PAGE2B: variants seen among roughly 807,000 people sequenced by gnomAD.
PAGE2B encodes PAGE family member 2B.
PAGE2B carries 5 observed loss-of-function variants against 7.6 expected under a neutral mutation model. The ratio of observed to expected loss-of-function variants is 0.66; its 90% confidence interval spans 0.34 to 1.38. The LOEUF is 1.38. Among genes scored for constraint, PAGE2B ranks in the 40% most tolerant of loss-of-function variants. The pLI is 0.04. For missense variants in PAGE2B, 70 were observed against 78.4 expected (o/e 0.89, Z 0.41); for synonymous variants, 29 against 26.7 (o/e 1.09, Z -0.27).
At chrX:55,074,941 G>A (rs1936487197), upstream of PAGE2B, 1 of 113,196 alleles carries the variant, frequency 8.8e-6, no homozygotes. Flanking sequence ...CAGTGTGCAT[G>A]CTGCACAGAC....
At chrX:55,035,184 T>C in the PAGE2B span, among the ~76,000 whole-genome samples, 9 of 111,620 alleles carry the variant, frequency 8.1e-5, no homozygotes, top group Non-Finnish European at 1.7e-4. Context: ...TCCAATCAAG[T>C]TGACACTCGA....
At chrX:55,074,471 T>A (rs1936480958), upstream of PAGE2B, among the ~76,000 whole-genome samples, 1 of 111,802 alleles carries the variant, frequency 8.9e-6, no homozygotes, top group Non-Finnish European at 1.9e-5. Context: ...TGAGTGGGGA[T>A]GTAGGTGATG....
At chrX:55,060,432 T>C in the PAGE2B span, among the ~76,000 whole-genome samples, 1 of 111,523 alleles carries the variant, frequency 9.0e-6, no homozygotes, top group Non-Finnish European at 1.9e-5. Flanking sequence ...TTTGGAAAAA[T>C]ATCTATTCAG....
the PAGE2B span, among the ~76,000 whole-genome samples, chrX:55,050,155 G>T: frequency 8.9e-6 from 1 of 112,540 alleles, no homozygotes; most frequent in Non-Finnish European, 1.9e-5. Flanking sequence ...TAGTTTGATT[G>T]CACTGTGGTC....
At chrX:55,049,550 G>C in the PAGE2B span, among the ~76,000 whole-genome samples, 1 of 111,474 alleles carries the variant, frequency 9.0e-6, no homozygotes, top group Non-Finnish European at 1.9e-5. Flanking sequence ...TGTATGTGTT[G>C]AGGAATTTAT....
upstream of PAGE2B, among the ~76,000 whole-genome samples, chrX:55,071,560 G>A (rs746616461): frequency 4.1e-4 from 46 of 111,357 alleles, no homozygotes; most frequent in Admixed American, 9.6e-4. Flanking sequence ...TATCTTTGTG[G>A]TGTCCTCTGT....
the PAGE2B span, among the ~76,000 whole-genome samples, chrX:55,034,607 T>C: frequency 9.1e-6 from 1 of 109,514 alleles, no homozygotes; most frequent in Non-Finnish European, 1.9e-5. Flanking sequence ...AAATGTTCAA[T>C]GTCAGGCTCA....
the PAGE2B span, chrX:55,055,966 A>G: frequency 9.0e-6 from 1 of 111,400 alleles, no homozygotes; most frequent in Non-Finnish European, 1.9e-5. Context: ...CGTTGTTTTT[A>G]ATCTGTGGAT....
the PAGE2B span, among the ~76,000 whole-genome samples, chrX:55,051,247 TC>T: frequency 5.8e-3 from 642 of 111,642 alleles, 5 homozygotes; most frequent in African/African-American, 0.02. Flanking sequence ...TAACATTTTT[TC>T]CTTCATTTCA....
At chrX:55,073,787 T>C (rs914987794), upstream of PAGE2B, among the ~76,000 whole-genome samples, 6 of 111,982 alleles carry the variant, frequency 5.4e-5, no homozygotes, top group African/African-American at 1.6e-4. Flanking sequence ...ATTCTTTTTG[T>C]GGCAATTGTG....
At chrX:55,035,383 G>T in the PAGE2B span, among the ~76,000 whole-genome samples, 6 of 111,936 alleles carry the variant, frequency 5.4e-5, no homozygotes, top group East Asian at 1.7e-3. Flanking sequence ...GAGCACAGAT[G>T]ATATTTTAAA....
the PAGE2B span, among the ~76,000 whole-genome samples, chrX:55,042,532 T>C: frequency 9.6e-6 from 1 of 104,299 alleles, no homozygotes; most frequent in East Asian, 3.0e-4. Flanking sequence ...CGGGCGCCTG[T>C]AGTCCCAGCT....
the PAGE2B span, among the ~76,000 whole-genome samples, chrX:55,065,075 A>T: frequency 8.9e-6 from 1 of 111,943 alleles, no homozygotes; most frequent in African/African-American, 3.2e-5. Context: ...CTTGGTCCAT[A>T]GTGCAGATTA....
the PAGE2B span, among the ~76,000 whole-genome samples, chrX:55,068,350 G>C: frequency 9.0e-6 from 1 of 111,705 alleles, no homozygotes; most frequent in African/African-American, 3.3e-5. Context: ...GTTGGTTGTA[G>C]ATATGTGGCA....
chrX:55,070,308 A>C (rs1287264821), upstream of PAGE2B, among the ~76,000 whole-genome samples: 9 of 112,109 alleles, frequency 8.0e-5, no homozygotes, highest in Non-Finnish European at 1.5e-4. Context: ...GTAGTCATTC[A>C]GGAGCAGCTT....
At chrX:55,032,931 T>A in the PAGE2B span, among the ~76,000 whole-genome samples, 1 of 111,726 alleles carries the variant, frequency 9.0e-6, no homozygotes, top group Admixed American at 9.6e-5. Flanking sequence ...GGCTAACCAT[T>A]TGTCACTTTG....
chrX:55,064,064 G>T, the PAGE2B span, among the ~76,000 whole-genome samples: 1 of 111,122 alleles, frequency 9.0e-6, no homozygotes, highest in Middle Eastern at 4.2e-3. Flanking sequence ...GGGTAATATT[G>T]TCCTTGTAGA....
the PAGE2B span, among the ~76,000 whole-genome samples, chrX:55,041,991 G>A: frequency 9.0e-6 from 1 of 111,536 alleles, no homozygotes; most frequent in Non-Finnish European, 1.9e-5. Context: ...CTGAGAACTG[G>A]AACAAGACAA....
At chrX:55,039,109 AGGCTGTTTCAGT>A in the PAGE2B span, among the ~76,000 whole-genome samples, 1 of 111,872 alleles carries the variant, frequency 8.9e-6, no homozygotes, top group Non-Finnish European at 1.9e-5. Context: ...AAGTTGCAGC[AGGCTGTTTCAGT>A]AGCCATGAGA....
Sources: gnomAD v4.1 joint callset for allele counts (sites outside exome capture counted in the v4.1 genomes callset) on GRCh38, gnomAD v4.1.1 for gene constraint, MANE v1.5 for transcripts, NCBI Gene and HGNC (gene_info 2026-07-23, HGNC 2026-07-21) for gene names.